Variants in KCNK10 observed in about 807,000 individuals in gnomAD.
The protein encoded by KCNK10 is potassium two pore domain channel subfamily K member 10.
KCNK10 carries 25 observed loss-of-function variants against 47.7 expected under a neutral mutation model. The observed-to-expected ratio is 0.52, with a 90% CI of 0.38 to 0.73. KCNK10 has a LOEUF of 0.73. KCNK10 is among the 30% of genes least tolerant of loss of function. The pLI is 0.00. For missense variants in KCNK10, 563 were observed against 714.5 expected, an observed-to-expected ratio of 0.79 and a Z score of 2.42; for synonymous variants, 303 against 285.6, an observed-to-expected ratio of 1.06 and a Z score of -0.61.
chr14:88,254,323 C>T (rs1457899674), intron 2 of KCNK10, among the ~76,000 whole-genome samples: 1 of 152,124 alleles, frequency 6.6e-6, no homozygotes, highest in East Asian at 1.9e-4. Flanking sequence ...TATGGCAAGG[C>T]ACTTAGAATG....
At chr14:88,208,052 C>T (rs2139847107) in intron 4 of KCNK10, among the ~76,000 whole-genome samples, 1 of 152,294 alleles carries the variant, frequency 6.6e-6, no homozygotes, top group East Asian at 1.9e-4. Context: ...AGAGATTTCT[C>T]CCCAAACACG....
At chr14:88,326,529 C>T, upstream of KCNK10, 1 of 1,181,262 alleles carries the variant, frequency 8.5e-7, no homozygotes, top group Non-Finnish European at 1.2e-6. Context: ...TTGCTTCAGG[C>T]GGGTTAAGTC....
upstream of KCNK10, among the ~76,000 whole-genome samples, chr14:88,324,092 G>T (rs570268029): frequency 2.0e-5 from 3 of 152,232 alleles, no homozygotes; most frequent in African/African-American, 7.2e-5. Flanking sequence ...AGGCACGGGG[G>T]CCCCCGGAGG....
At chr14:88,303,050 G>C (rs182080445) in intron 1 of KCNK10, among the ~76,000 whole-genome samples, 2 of 152,232 alleles carry the variant, frequency 1.3e-5, no homozygotes, top group Admixed American at 1.3e-4. Flanking sequence ...AATGTGCATG[G>C]GGCTTGCAGG....
chr14:88,317,225 A>G (rs1284416166), intron 1 of KCNK10, among the ~76,000 whole-genome samples: 1 of 152,246 alleles, frequency 6.6e-6, no homozygotes, highest in Non-Finnish European at 1.5e-5. Flanking sequence ...TAAATCAAAA[A>G]TAGATTATTT....
intron 1 of KCNK10, among the ~76,000 whole-genome samples, chr14:88,294,258 T>C (rs914111394): frequency 2.0e-5 from 3 of 152,250 alleles, no homozygotes; most frequent in African/African-American, 4.8e-5. Flanking sequence ...AAAGATGCCA[T>C]TGCAAGACTT....
intron 2 of KCNK10, among the ~76,000 whole-genome samples, chr14:88,253,078 C>T (rs1262464731): frequency 6.6e-6 from 1 of 152,182 alleles, no homozygotes; most frequent in African/African-American, 2.4e-5. Flanking sequence ...GAACTTTACC[C>T]TCTGTAAAAT....
chr14:88,251,374 C>G (rs571578354), intron 2 of KCNK10, among the ~76,000 whole-genome samples: 1 of 152,050 alleles, frequency 6.6e-6, no homozygotes, highest in African/African-American at 2.4e-5. Flanking sequence ...CTTCAAAGAG[C>G]TCACAGTCAT....
intron 5 of KCNK10, among the ~76,000 whole-genome samples, chr14:88,190,354 TCCAGCTG>T (rs1884704520): frequency 6.6e-6 from 1 of 152,168 alleles, no homozygotes; most frequent in Non-Finnish European, 1.5e-5. Flanking sequence ...AGTTCAAAAT[TCCAGCTG>T]CCACTACATG....
intron 2 of KCNK10, among the ~76,000 whole-genome samples, chr14:88,251,691 C>G (rs1461673592): frequency 6.6e-6 from 1 of 152,258 alleles, no homozygotes; most frequent in African/African-American, 2.4e-5. Context: ...CACTCTGCTA[C>G]TGAAAACATA....
At chr14:88,277,720 C>T (rs1012541462) in intron 1 of KCNK10, among the ~76,000 whole-genome samples, 1 of 152,106 alleles carries the variant, frequency 6.6e-6, no homozygotes, top group Non-Finnish European at 1.5e-5. Flanking sequence ...AAAATGTGGC[C>T]GAAGGAAGGC....
rs1055617937 is a variant in KCNK10 at position 88,182,288 on chromosome 14, T to C, written c.*3247A>G. 1 of 152,304 alleles carries C rather than the reference T, an allele frequency of 6.6e-6. No homozygotes were observed. The highest frequency in any genetic ancestry group is 2.4e-5 in the African/African-American group (1 of 41,428). 9.4% of individuals were successfully genotyped at this position (152,304 alleles called of 1,614,324 possible). A position where few individuals can be genotyped will look rare whatever the true frequency, so the allele number is the denominator to read the frequency against. On this transcript the variant is annotated 3_prime_UTR_variant, in exon 7 of 7. Coordinates refer to ENST00000319231, the MANE Select transcript of KCNK10 (RefSeq NM_138317.3). ...AAGATGGTGGACGTGTGCTCTTTCT[T>C]TGTGTGAAATCGAAACATTTCTCCT...
chr14:88,250,184 C>A (rs775738917), intron 2 of KCNK10, among the ~76,000 whole-genome samples: 1 of 152,102 alleles, frequency 6.6e-6, no homozygotes, highest in African/African-American at 2.4e-5. Context: ...ATTTCCATTA[C>A]CTCTTTAATT....
intron 3 of KCNK10, among the ~76,000 whole-genome samples, chr14:88,234,406 C>T (rs1051348125): frequency 2.0e-5 from 3 of 152,298 alleles, no homozygotes; most frequent in Admixed American, 2.0e-4. Flanking sequence ...GTTCTTGTTG[C>T]ATATGACTTT....
intron 3 of KCNK10, among the ~76,000 whole-genome samples, chr14:88,228,538 T>C (rs978473523): frequency 6.6e-6 from 1 of 152,236 alleles, no homozygotes; most frequent in African/African-American, 2.4e-5. Flanking sequence ...GACAGTAATC[T>C]AACCATTCTC....
At position 88,185,754 on chromosome 14, in the gene KCNK10, G is replaced by C. The variant is rs371190844; in HGVS notation, c.1413C>G (p.Pro471=). ...TCTTGTAGATTTTCTGAACGTCCTC[G>C]GGCAAGGTCTTTTTGAGGTCCTTGT... The part of the protein sequence containing the change: ...RKNKDLKKTL[P]EDVQKIYKTF... Residue 471 remains proline (P), a synonymous_variant, in exon 7 of 7, where the codon CCC becomes CCG. Coordinates refer to ENST00000319231, the MANE Select transcript of KCNK10 (RefSeq NM_138317.3). The surrounding 1 kb of genome is among the most constrained non-coding windows in gnomAD (Gnocchi z 4.3). The C allele has an allele frequency of 7.9e-5, 127 of 1,613,954 alleles. No homozygotes were observed. The highest frequency in any genetic ancestry group is 1.0e-4 in the Non-Finnish European group (123 of 1,180,024).
chr14:88,189,474 G>T (rs570378182), intron 5 of KCNK10, among the ~76,000 whole-genome samples: 1 of 152,194 alleles, frequency 6.6e-6, no homozygotes, highest in South Asian at 2.1e-4. Flanking sequence ...GGGCTATCTG[G>T]GAGTAAATAT....
intron 4 of KCNK10, 45 bp downstream of exon 4, chr14:88,227,330 A>C: frequency 6.6e-7 from 1 of 1,505,488 alleles, no homozygotes; most frequent in African/African-American, 1.4e-5. Context: ...GGCTAAAGCC[A>C]ACTGGATCAC....
At chr14:88,274,930 T>TTCTTTGA (rs57174156) in intron 1 of KCNK10, among the ~76,000 whole-genome samples, 14,453 of 152,030 alleles carry the variant, frequency 0.095, 1,723 homozygotes, top group African/African-American at 0.29. Flanking sequence ...TGTAGCTTTG[T>TTCTTTGA]TCTCTCTTCT....
Sources: allele counts gnomAD v4.1 joint callset (sites outside exome capture counted in the v4.1 genomes callset), GRCh38; gene constraint gnomAD v4.1.1; non-coding constraint Gnocchi (gnomAD v3.1); transcripts MANE v1.5; gene names NCBI Gene and HGNC (gene_info 2026-07-23, HGNC 2026-07-21).